KIAA1586: variants seen among roughly 807,000 people sequenced by gnomAD.
The protein encoded by KIAA1586 is KIAA1586.
Under a neutral mutation model 6.1 loss-of-function variants are expected in KIAA1586, and 5 were observed. The ratio of observed to expected loss-of-function variants is 0.82; its 90% CI spans 0.43 to 1.73. The LOEUF (loss-of-function observed/expected upper bound fraction) is 1.73. Among genes scored for constraint, KIAA1586 ranks in the 40% most tolerant of loss-of-function variants. The pLI is 0.02. For missense variants in KIAA1586, 899 were observed against 878.2 expected (o/e 1.02, Z -0.30); for synonymous variants, 280 against 301.7 (o/e 0.93, Z 0.75).
chr6:57,054,034 G>T lies in KIAA1586; in HGVS notation c.1535G>T (p.Gly512Val). ...ATGCATTTTTCTCATTCTTACTCTG[G>T]TTTGGCGAAGAGATTAGCTAACATT... ...LYMHFSHSYS[G>V]LAKRLANINF... Residue 512 changes from glycine to valine, a missense_variant, in exon 4 of 4, where the codon GGT becomes GTT. Transcript: ENST00000370733. 6.2e-7 allele frequency: 1 copy of T among 1,610,680 alleles called. No individual in the cohort carries two copies. The highest frequency in any genetic ancestry group is 8.5e-7 in the Non-Finnish European group (1 of 1,178,440).
the KIAA1586 span, among the ~76,000 whole-genome samples, chr6:57,064,792 C>T: frequency 1.3e-5 from 2 of 152,176 alleles, no homozygotes; most frequent in Non-Finnish European, 2.9e-5. Context: ...TCCCTGTTCT[C>T]TCTGGTTCTC....
downstream of KIAA1586, among the ~76,000 whole-genome samples, chr6:57,056,205 C>T (rs1313370642): frequency 1.3e-5 from 2 of 148,550 alleles, no homozygotes; most frequent in Admixed American, 6.7e-5. Flanking sequence ...TGTGCCACGA[C>T]GCCTGCCTAA....
downstream of KIAA1586, among the ~76,000 whole-genome samples, chr6:57,056,783 C>T (rs1828506125): frequency 6.6e-6 from 1 of 152,030 alleles, no homozygotes; most frequent in Non-Finnish European, 1.5e-5. Flanking sequence ...AACAGCCTTC[C>T]TGCCTTGGCC....
At position 57,051,951 on chromosome 6, in the gene KIAA1586, G is replaced by A. The variant is rs537328281; in HGVS notation, c.187-735G>A. 6.6e-5 allele frequency among the ~76,000 whole-genome samples: 10 copies of A among 152,208 alleles called. No homozygotes were observed. In the South Asian group the frequency reaches 2.1e-3, roughly 32 times the overall value. On this transcript the variant is annotated intron_variant, in intron 3 of 3. Coordinates refer to ENST00000370733, the MANE Select transcript of KIAA1586 (RefSeq NM_020931.4). Reference sequence around the variant, plus strand: ...ATCGCGCCACTGCACTCCAGCTTGGGTGACAGAGCGAGACTCCGTCTCAAA... The same window carrying A: ...ATCGCGCCACTGCACTCCAGCTTGGATGACAGAGCGAGACTCCGTCTCAAA...
At position 57,055,034 on chromosome 6, in the gene KIAA1586, T is replaced by C. The variant is rs1426462166; in HGVS notation, c.*171T>C. On this transcript the variant is annotated 3_prime_UTR_variant, in exon 4 of 4. Transcript: ENST00000370733. Reference sequence around the variant, plus strand: ...AAGATTGGTTTTAGAAGCTATAGTTTTTTAGAGATTGGCCCATGTTTGCTA... The same window carrying C: ...AAGATTGGTTTTAGAAGCTATAGTTCTTTAGAGATTGGCCCATGTTTGCTA... 1.4e-6 allele frequency: 1 copy of C among 727,768 alleles called. No homozygotes were observed. The highest frequency in any genetic ancestry group is 2.1e-6 in the Non-Finnish European group (1 of 481,714). The allele number at this position is 727,768 out of a possible 1,614,324, so 45.1% of individuals were successfully genotyped here.
chr6:57,049,243 T>C (rs1160501372), intron 2 of KIAA1586, among the ~76,000 whole-genome samples: 1 of 152,172 alleles, frequency 6.6e-6, no homozygotes, highest in African/African-American at 2.4e-5. Flanking sequence ...TGAAATACAC[T>C]CAGAGACAAC....
Position 57,054,474 on chromosome 6 carries a change from TG to T in KIAA1586, c.1976del (p.Cys659LeufsTer4), listed in dbSNP as rs1828445353. 1 of 1,599,476 alleles carries T rather than the reference TG, an allele frequency of 6.3e-7. No individual in the cohort carries two copies. Among genetic ancestry groups the T allele is most frequent in the East Asian group, 2.2e-5 (1 of 44,724 alleles). ...TGGTGAAAAAACATTATTTCATTTG[TG>T]TAAAATTTTAAAATATGAAGTTGAT... ...IAGEKTLFHL[C>X]KILKYEVDLN... is the part of the protein sequence containing the mutation. On this transcript the variant is annotated frameshift_variant, in exon 4 of 4. Coordinates refer to ENST00000370733, the MANE Select transcript of KIAA1586 (RefSeq NM_020931.4). LOFTEE classifies it low-confidence loss of function (END_TRUNC).
Position 57,053,410 on chromosome 6 carries a change from T to C in KIAA1586, c.911T>C (p.Phe304Ser), listed in dbSNP as rs1562570930. Residue 304 changes from phenylalanine (F) to serine (S), a missense_variant, in exon 4 of 4, where the codon TTT (phenylalanine) becomes TCT (serine). Transcript: ENST00000370733. ...HIAKEMKMKI[F>S]KNIIEENAKI... ...GCAAAAGAAATGAAGATGAAGATAT[T>C]TAAGAATATTATAGAAGAGAATGCC... 6.2e-7 allele frequency: 1 copy of C among 1,608,276 alleles called. No homozygotes were observed. The highest frequency in any genetic ancestry group is 1.3e-5 in the African/African-American group (1 of 74,516).
intron 2 of KIAA1586, 65 bp from the exon 3 acceptor site, chr6:57,050,709 T>G (rs1828297558): frequency 8.8e-7 from 1 of 1,132,530 alleles, no homozygotes; most frequent in Admixed American, 2.0e-5. Context: ...TCCCACTGAT[T>G]GTTAAATTTA....
chr6:57,063,808 C>T, the KIAA1586 span, among the ~76,000 whole-genome samples: 659 of 152,080 alleles, frequency 4.3e-3, 5 homozygotes, highest in African/African-American at 0.015. Context: ...TATTTTTAAG[C>T]GAAAACACCT....
At chr6:57,049,319 TAGTACCATCCAGTAA>T (rs1309993857) in intron 2 of KIAA1586, among the ~76,000 whole-genome samples, 8 of 152,184 alleles carry the variant, frequency 5.3e-5, no homozygotes, top group African/African-American at 1.2e-4. Context: ...GTGTTTTTTA[TAGTACCATCCAGTAA>T]AGATGCAATG....
In KIAA1586 at chr6:57,053,013, T is replaced by C. The variant is rs151324271; in HGVS notation, c.514T>C (p.Ser172Pro). 3 of 1,613,760 alleles carry C rather than the reference T, an allele frequency of 1.9e-6. No homozygotes were observed. The African/African-American group carries it at 4.0e-5, about 22-fold the overall frequency. ...KDCSAVRHLG[S>P]KAEKHVHVSK... ...TTGTTCAGCAGTTCGGCATTTGGGATCGAAAGCAGAAAAGCATGTCCATGT... is the reference window on the plus strand; with the variant it reads ...TTGTTCAGCAGTTCGGCATTTGGGACCGAAAGCAGAAAAGCATGTCCATGT... The change falls in exon 4 of 4, where the codon TCG (serine) becomes CCG (proline). Residue 172 changes from serine to proline, a missense_variant. Physicochemically the swap from Ser to Pro is moderately conservative, Grantham distance 74 (BLOSUM62 -1). Transcript: ENST00000370733.
At chr6:57,066,127 A>G in the KIAA1586 span, among the ~76,000 whole-genome samples, 1 of 151,832 alleles carries the variant, frequency 6.6e-6, no homozygotes, top group Admixed American at 6.6e-5. Context: ...AAAAAAAAAA[A>G]AAATAGCCAG....
At chr6:57,057,469 A>G (rs1828515506), downstream of KIAA1586, among the ~76,000 whole-genome samples, 1 of 152,034 alleles carries the variant, frequency 6.6e-6, no homozygotes, top group Admixed American at 6.6e-5. Flanking sequence ...AGTCAAATTT[A>G]TGGCCAGGTG....
chr6:57,059,604 T>C (rs1047237687), downstream of KIAA1586, among the ~76,000 whole-genome samples: 1 of 108,270 alleles, frequency 9.2e-6, no homozygotes, highest in Non-Finnish European at 2.0e-5. Flanking sequence ...AAAAAAAAAA[T>C]AGAATTACAT....
chr6:57,065,286 T>C, the KIAA1586 span, among the ~76,000 whole-genome samples: 1 of 152,122 alleles, frequency 6.6e-6, no homozygotes, highest in Non-Finnish European at 1.5e-5. Context: ...GTTTGCTGTC[T>C]CAGAGGAGGA....
At chr6:57,059,569 C>G (rs796557453), downstream of KIAA1586, among the ~76,000 whole-genome samples, 7 of 136,520 alleles carry the variant, frequency 5.1e-5, no homozygotes, top group East Asian at 1.3e-3. Context: ...CCAGCCTGGG[C>G]GAGAGCGAGA....
chr6:57,054,156 G>A lies in KIAA1586; in HGVS notation c.1657G>A (p.Ala553Thr). Residue 553 changes from alanine (A) to threonine (T), a missense_variant, in exon 4 of 4, where the codon GCA becomes ACA. By Grantham distance (58) the Ala-to-Thr change is moderately conservative. Transcript: ENST00000370733. The part of the protein sequence containing the change: ...LQSRSTNIKK[A>T]QKLIKRTIRA... ...GTCAAGATCAACTAATATTAAGAAA[G>A]CACAAAAATTGATCAAACGTACCAT... is the stretch of plus-strand genomic sequence containing the variant. 1 of 1,586,454 alleles carries A rather than the reference G, an allele frequency of 6.3e-7. No homozygotes were observed. The highest frequency in any genetic ancestry group is 8.6e-7 in the Non-Finnish European group (1 of 1,169,170).
In KIAA1586 at chr6:57,054,304, C is replaced by A. The variant is rs745360976; in HGVS notation, c.1805C>A (p.Pro602His). 6 of 1,584,258 alleles carry A rather than the reference C, an allele frequency of 3.8e-6. No individual in the cohort carries two copies. The highest frequency in any genetic ancestry group is 8.6e-7 in the Non-Finnish European group (1 of 1,167,830). Residue 602 changes from proline (P) to histidine (H), a missense_variant, in exon 4 of 4, where the codon CCT (proline) becomes CAT (histidine). Transcript: ENST00000370733. ...FNKNNKFNAL[P>H]RSILLDNIIQ... ...AAAAACAATAAATTTAATGCTCTTC[C>A]TAGGAGTATATTACTAGACAATATA...
Sources: allele counts gnomAD v4.1 joint callset (sites outside exome capture counted in the v4.1 genomes callset), GRCh38; gene constraint gnomAD v4.1.1; transcripts MANE v1.5; gene names NCBI Gene and HGNC (gene_info 2026-07-23, HGNC 2026-07-21).